The following ALX1 variants were observed in gnomAD, a reference collection of about 807,000 sequenced individuals.
ALX1 encodes ALX homeobox 1.
Under a neutral mutation model 31.7 loss-of-function variants are expected in ALX1, and 19 were observed. The ratio of observed to expected loss-of-function variants is 0.60; its 90% CI spans 0.42 to 0.88. The LOEUF (loss-of-function observed/expected upper bound fraction) is 0.88. ALX1 is among the 40% of genes least tolerant of loss of function. The probability of loss-of-function intolerance (pLI) is 0.00; values close to 1 mark genes in which losing one functional copy is unlikely to be tolerated. For missense variants in ALX1, 415 were observed against 407.8 expected (o/e 1.02, Z -0.15); for synonymous variants, 153 against 148.8 (o/e 1.03, Z -0.20).
chr12:85,285,723 C>T (rs1281418745), intron 2 of ALX1, among the ~76,000 whole-genome samples: 1 of 151,880 alleles, frequency 6.6e-6, no homozygotes, highest in African/African-American at 2.4e-5. Flanking sequence ...AAGGCTTTTA[C>T]AACTTGCATT....
intron 2 of ALX1, among the ~76,000 whole-genome samples, chr12:85,285,301 C>T (rs540705539): frequency 6.6e-6 from 1 of 151,978 alleles, no homozygotes; most frequent in Admixed American, 6.6e-5. Context: ...TCCTGCTTTG[C>T]ACATAAGAGT....
Position 85,280,452 on chromosome 12 carries a change from G to A in ALX1, c.191G>A (p.Arg64His), listed in dbSNP as rs115596276. 1.9e-6 allele frequency: 3 copies of A among 1,611,804 alleles called. No homozygotes were observed. The highest frequency in any genetic ancestry group is 1.1e-5 in the South Asian group (1 of 91,004). The change falls in exon 1 of 4, where the codon CGC becomes CAC. Residue 64 changes from arginine (R) to histidine (H), a missense_variant. Physicochemically the swap from Arg to His is conservative, Grantham distance 29. Coordinates refer to ENST00000316824, the MANE Select transcript of ALX1 (RefSeq NM_006982.3). Reference protein sequence around the residue: ...GPLPRAEHHVRLERTSPCQDS... With the variant: ...GPLPRAEHHVHLERTSPCQDS... ...CTGCCCCGCGCCGAGCATCACGTGC[G>A]CTTGGAGAGGACCTCGCCCTGTCAG... is the stretch of plus-strand genomic sequence containing the variant.
intron 1 of ALX1, 48 bp downstream of exon 1, chr12:85,280,535 C>G (rs970386725): frequency 1.3e-6 from 2 of 1,582,860 alleles, no homozygotes; most frequent in Admixed American, 3.4e-5. Context: ...CTTCCGCAAT[C>G]GAAAATGCAG....
At chr12:85,301,016 T>C in intron 3 of ALX1, 139 bp from the exon 4 acceptor site, 1 of 798,588 alleles carries the variant, frequency 1.3e-6, no homozygotes. Flanking sequence ...TTTTTAGTCA[T>C]TGTTGTATGT....
At chr12:85,289,536 C>T (rs1306680347) in intron 3 of ALX1, among the ~76,000 whole-genome samples, 2 of 151,036 alleles carry the variant, frequency 1.3e-5, no homozygotes, top group African/African-American at 4.8e-5. Context: ...AATTATTCCT[C>T]ATAATTTTGT....
chr12:85,300,429 C>G (rs1314317088), intron 3 of ALX1, among the ~76,000 whole-genome samples: 3 of 151,974 alleles, frequency 2.0e-5, no homozygotes, highest in Non-Finnish European at 2.9e-5. Flanking sequence ...GCACATCTTT[C>G]TCAGCTATGA....
At chr12:85,293,156 G>T (rs1379934117) in intron 3 of ALX1, among the ~76,000 whole-genome samples, 1 of 150,174 alleles carries the variant, frequency 6.7e-6, no homozygotes, top group Non-Finnish European at 1.5e-5. Flanking sequence ...GAAATATAAT[G>T]ATAATCTACC....
rs1415086346 is a variant in ALX1, at chr12:85,280,330, C to T, written c.69C>T (p.Gly23=). The T allele has an allele frequency of 1.2e-6, 2 of 1,613,890 alleles. No homozygotes were observed. The highest frequency in any genetic ancestry group is 1.7e-5 in the Admixed American group (1 of 60,030). Residue 23 remains glycine, a synonymous_variant, in exon 1 of 4, where the codon GGC becomes GGT. Coordinates refer to ENST00000316824, the MANE Select transcript of ALX1 (RefSeq NM_006982.3). ...GTAAAAACAGTGACTTTTACATGGG[C>T]GCAGGAGGTCCTCTGGAGCACGTTA... ...PPSKNSDFYM[G]AGGPLEHVME...
intron 3 of ALX1, 26 bp downstream of exon 3, chr12:85,287,007 A>T (rs370621370): frequency 9.3e-5 from 150 of 1,610,306 alleles, no homozygotes; most frequent in Non-Finnish European, 1.1e-4. Flanking sequence ...CAGAATACTG[A>T]TCAAGAAAAG....
At chr12:85,293,064 T>C (rs1340009375) in intron 3 of ALX1, among the ~76,000 whole-genome samples, 1 of 150,720 alleles carries the variant, frequency 6.6e-6, no homozygotes, top group Non-Finnish European at 1.5e-5. Flanking sequence ...ATGACCAAAA[T>C]GTTACCATCA....
In ALX1 at chr12:85,282,748, G is replaced by T. The variant is rs553263622; in HGVS notation, c.227-824G>T. Among the ~76,000 whole-genome samples, 41 of 152,218 alleles carry T rather than the reference G, an allele frequency of 2.7e-4. No homozygotes were observed. In the South Asian group the frequency reaches 7.2e-3, roughly 27 times the overall value. On this transcript the variant is annotated intron_variant, in intron 1 of 3. Coordinates refer to ENST00000316824, the MANE Select transcript of ALX1 (RefSeq NM_006982.3). ...GAAATTAAACATCCCTTAACAGAATGCCAGATGTCATGCTCTGTAATGTTT... is the reference window on the plus strand; with the variant it reads ...GAAATTAAACATCCCTTAACAGAATTCCAGATGTCATGCTCTGTAATGTTT...
At chr12:85,300,652 A>G (rs1285284602) in intron 3 of ALX1, among the ~76,000 whole-genome samples, 1 of 152,118 alleles carries the variant, frequency 6.6e-6, no homozygotes, top group Non-Finnish European at 1.5e-5. Context: ...ATGTTCCAGA[A>G]TAAGTTTGAT....
chr12:85,294,519 T>C (rs538009516), intron 3 of ALX1, among the ~76,000 whole-genome samples: 1 of 151,298 alleles, frequency 6.6e-6, no homozygotes, highest in Admixed American at 6.6e-5. Flanking sequence ...TAATATAGAA[T>C]TTAAGAATAC....
intron 3 of ALX1, among the ~76,000 whole-genome samples, chr12:85,299,393 T>C (rs1435422331): frequency 6.6e-6 from 1 of 151,490 alleles, no homozygotes; most frequent in Non-Finnish European, 1.5e-5. Context: ...TATAGTAGAA[T>C]GAGCCAGAAT....
At chr12:85,300,881 G>C (rs1452004073) in intron 3 of ALX1, among the ~76,000 whole-genome samples, 3 of 152,016 alleles carry the variant, frequency 2.0e-5, no homozygotes, top group African/African-American at 7.2e-5. Flanking sequence ...TTAAAATCAT[G>C]ACTATGAAAA....
At chr12:85,280,928 G>GA (rs111230834) in intron 1 of ALX1, among the ~76,000 whole-genome samples, 21,824 of 150,084 alleles carry the variant, frequency 0.15, 3,181 homozygotes, top group African/African-American at 0.38. Context: ...TCACGAGTAG[G>GA]GAAAAAAAAA....
At position 85,301,146 on chromosome 12, in the gene ALX1, A is replaced by C. The variant is rs754201598; in HGVS notation, c.661-9A>C. On this transcript the variant is annotated splice_polypyrimidine_tract_variant and intron_variant, in intron 3 of 3. Transcript: ENST00000316824. ...GTAAATGTAATATTTGTTGTTTTAT[A>C]TATTCCAGATTCAGAACAATTTGTG... 1.2e-6 allele frequency: 2 copies of C among 1,613,754 alleles called. No homozygotes were observed. The highest frequency in any genetic ancestry group is 4.5e-5 in the East Asian group (2 of 44,874).
chr12:85,287,042 A>T (rs1896758165), intron 3 of ALX1, 61 bp downstream of exon 3: 2 of 1,584,114 alleles, frequency 1.3e-6, no homozygotes, highest in Admixed American at 3.3e-5. Context: ...ATATTCTTAA[A>T]ATGGTTAGCA....
chr12:85,283,455 C>A, intron 1 of ALX1, 117 bp from the exon 2 acceptor site: 1 of 1,010,270 alleles, frequency 9.9e-7, no homozygotes, highest in South Asian at 1.4e-5. Flanking sequence ...TTAATACTAG[C>A]ACAATAAATT....
Sources: allele counts gnomAD v4.1 joint callset (sites outside exome capture counted in the v4.1 genomes callset), GRCh38; gene constraint gnomAD v4.1.1; transcripts MANE v1.5; gene names NCBI Gene and HGNC (gene_info 2026-07-23, HGNC 2026-07-21).